Variants in NGLY1 observed in about 807,000 individuals in gnomAD.
The protein encoded by NGLY1 is N-glycanase 1.
Under a neutral mutation model 84.6 loss-of-function variants are expected in NGLY1, and 68 were observed. The observed-to-expected ratio is 0.80, with a 90% CI of 0.66 to 0.98. The LOEUF is 0.98. Among genes scored for constraint, NGLY1 ranks in the 50% least tolerant of loss-of-function variants. The probability of loss-of-function intolerance (pLI) is 0.00; values close to 1 mark genes in which losing one functional copy is unlikely to be tolerated. For missense variants in NGLY1, 779 were observed against 770.2 expected, an observed-to-expected ratio of 1.01 and a Z score of -0.14; for synonymous variants, 280 against 275.2, an observed-to-expected ratio of 1.02 and a Z score of -0.17.
At chr3:25,784,604 A>G (rs1194180093), upstream of NGLY1, among the ~76,000 whole-genome samples, 5 of 152,188 alleles carry the variant, frequency 3.3e-5, no homozygotes, top group Non-Finnish European at 7.3e-5. Context: ...ATTTCTTAAG[A>G]TAAGTGATTT....
rs138475793 is a variant in NGLY1 at position 25,782,276 on chromosome 3, T to A, written c.131+984A>T. 5.9e-3 allele frequency among the ~76,000 whole-genome samples: 904 copies of A among 152,246 alleles called. 11 individuals are homozygous for A. Among genetic ancestry groups the A allele is most frequent in the African/African-American group, 0.021 (859 of 41,524 alleles). On this transcript the variant is annotated intron_variant, in intron 1 of 11. Transcript: ENST00000280700. ...AACCTATAACCTTGAAACTGAGAAT[T>A]TCCTTTTAGACTTCATGACAATATA...
At chr3:25,722,274 C>CACACAT (rs145856271) in intron 10 of NGLY1, among the ~76,000 whole-genome samples, 2,396 of 148,614 alleles carry the variant, frequency 0.016, 29 homozygotes, top group Middle Eastern at 0.047. Flanking sequence ...TGTATACACA[C>CACACAT]ATATATATAT....
chr3:25,723,652 CTTG>C (rs1705116421), intron 10 of NGLY1, among the ~76,000 whole-genome samples: 1 of 151,810 alleles, frequency 6.6e-6, no homozygotes, highest in Non-Finnish European at 1.5e-5. Flanking sequence ...CAAACATTCA[CTTG>C]TTTAGTGTAG....
chr3:25,784,375 TA>T (rs1575672799), upstream of NGLY1, among the ~76,000 whole-genome samples: 4 of 152,330 alleles, frequency 2.6e-5, no homozygotes, highest in South Asian at 8.3e-4. Flanking sequence ...GGGAAGGGAA[TA>T]AAAATTTGCA....
intron 2 of NGLY1, among the ~76,000 whole-genome samples, chr3:25,768,558 A>C (rs1707730281): frequency 7.2e-6 from 1 of 138,282 alleles, no homozygotes; most frequent in South Asian, 2.3e-4. Context: ...TTCATAAGTA[A>C]GACTTTTTTT....
At chr3:25,786,583 G>A (rs1708607988), upstream of NGLY1, among the ~76,000 whole-genome samples, 2 of 152,174 alleles carry the variant, frequency 1.3e-5, no homozygotes, top group Admixed American at 1.3e-4. Flanking sequence ...AGTGGGGGAA[G>A]CAGCCAGGAA....
chr3:25,725,818 G>C (rs924238873), intron 10 of NGLY1, among the ~76,000 whole-genome samples: 1 of 151,866 alleles, frequency 6.6e-6, no homozygotes, highest in African/African-American at 2.4e-5. Context: ...TTTTCACTCA[G>C]ATTCAGGGTG....
At chr3:25,751,835 T>C (rs1050395543) in intron 3 of NGLY1, among the ~76,000 whole-genome samples, 21 of 152,360 alleles carry the variant, frequency 1.4e-4, no homozygotes, top group Middle Eastern at 3.4e-3. Context: ...GAGGAACAGC[T>C]AATTATCTCG....
At chr3:25,757,157 T>C (rs1707081722) in intron 3 of NGLY1, among the ~76,000 whole-genome samples, 1 of 152,166 alleles carries the variant, frequency 6.6e-6, no homozygotes, top group Non-Finnish European at 1.5e-5. Flanking sequence ...GTCTCATCAG[T>C]TTTAAAGTTT....
chr3:25,770,569 C>T (rs1707841942), intron 2 of NGLY1, among the ~76,000 whole-genome samples: 1 of 152,182 alleles, frequency 6.6e-6, no homozygotes, highest in South Asian at 2.1e-4. Flanking sequence ...ACTTCTTTTC[C>T]TCTGGGTAGA....
At chr3:25,787,427 C>T (rs1708629037), upstream of NGLY1, among the ~76,000 whole-genome samples, 1 of 152,174 alleles carries the variant, frequency 6.6e-6, no homozygotes, top group Non-Finnish European at 1.5e-5. Flanking sequence ...CCAACCCACC[C>T]TGCTCATTTG....
chr3:25,724,611 A>C (rs1705159827), intron 10 of NGLY1, among the ~76,000 whole-genome samples: 2 of 152,134 alleles, frequency 1.3e-5, no homozygotes, highest in Non-Finnish European at 2.9e-5. Context: ...AGTCTCTGGG[A>C]CCTGACAATT....
chr3:25,727,939 T>C (rs936668640), intron 10 of NGLY1, among the ~76,000 whole-genome samples: 2 of 152,148 alleles, frequency 1.3e-5, no homozygotes, highest in Non-Finnish European at 2.9e-5. Flanking sequence ...TTCAGAGAAA[T>C]TCTTAGGCTA....
intron 9 of NGLY1, chr3:25,729,751 T>C (rs1216488679): frequency 6.6e-6 from 1 of 152,294 alleles, no homozygotes; most frequent in Non-Finnish European, 1.5e-5. Context: ...CCTGCTTAAC[T>C]CACTTCAGTG....
intron 2 of NGLY1, among the ~76,000 whole-genome samples, chr3:25,775,609 A>T (rs1013199595): frequency 5.9e-5 from 9 of 152,350 alleles, no homozygotes; most frequent in African/African-American, 1.9e-4. Flanking sequence ...AGAAGAAAAG[A>T]GTGATTGTAA....
chr3:25,783,121 G>T lies in NGLY1; in HGVS notation c.131+139C>A. On this transcript the variant is annotated intron_variant, in intron 1 of 11. Coordinates refer to ENST00000280700, the MANE Select transcript of NGLY1 (RefSeq NM_018297.4). This position sits in a 1 kb window ranked among gnomAD's most constrained non-coding sequence, Gnocchi z 4.5. Reference sequence around the variant, plus strand: ...TGGCCGGCGGGCTCGGACGTTAGGAGCAGAACCAGCTCCAGGTCCCGGTCT... The same window carrying T: ...TGGCCGGCGGGCTCGGACGTTAGGATCAGAACCAGCTCCAGGTCCCGGTCT... 2.6e-6 allele frequency: 2 copies of T among 765,760 alleles called. No homozygotes were observed. Among genetic ancestry groups the T allele is most frequent in the Non-Finnish European group, 4.1e-6 (2 of 490,304 alleles). 47.4% of individuals were successfully genotyped at this position (765,760 alleles called of 1,614,324 possible). A position where few individuals can be genotyped will look rare whatever the true frequency, so the allele number is the denominator to read the frequency against.
In NGLY1 at chr3:25,734,058, T is replaced by C. The variant is rs191640466; in HGVS notation, c.1150-76A>G. 4.0e-5 allele frequency: 62 copies of C among 1,557,642 alleles called. 1 individual carries two copies. The highest frequency in any genetic ancestry group is 3.4e-4 in the Middle Eastern group (2 of 5,890). On this transcript the variant is annotated intron_variant, in intron 7 of 11. Coordinates refer to ENST00000280700, the MANE Select transcript of NGLY1 (RefSeq NM_018297.4). The stretch of plus-strand genomic sequence containing the variant: ...CTTTACTTACTAAATACCTAGAATG[T>C]ATGTAATTTTTAAATGCATTTTTTT...
chr3:25,737,237 G>C, intron 6 of NGLY1, 97 bp downstream of exon 6: 1 of 1,065,174 alleles, frequency 9.4e-7, no homozygotes, highest in Non-Finnish European at 1.3e-6. Flanking sequence ...AGACTGACAA[G>C]GCCAAAAAGT....
intron 2 of NGLY1, among the ~76,000 whole-genome samples, chr3:25,768,230 C>T (rs763293804): frequency 2.6e-4 from 39 of 151,180 alleles, no homozygotes; most frequent in Non-Finnish European, 3.8e-4. Context: ...CAATACCAGC[C>T]TGGCCAACAT....
Sources: allele counts gnomAD v4.1 joint callset (sites outside exome capture counted in the v4.1 genomes callset), GRCh38; gene constraint gnomAD v4.1.1; non-coding constraint Gnocchi (gnomAD v3.1); transcripts MANE v1.5; gene names NCBI Gene and HGNC (gene_info 2026-07-23, HGNC 2026-07-21).